Variants in SLIT3 observed in about 807,000 individuals in gnomAD.
The protein encoded by SLIT3 is slit homolog 3 protein.
Under a neutral mutation model 184.0 loss-of-function variants are expected in SLIT3, and 68 were observed. The observed-to-expected ratio is 0.37, with a 90% CI of 0.30 to 0.45. The LOEUF (loss-of-function observed/expected upper bound fraction) is 0.45. Among genes scored for constraint, SLIT3 ranks in the 20% least tolerant of loss-of-function variants. SLIT3 has a pLI of 1.00. For missense variants in SLIT3, 1,707 were observed against 2,026.0 expected (o/e 0.84, Z 3.02); for synonymous variants, 831 against 828.6 (o/e 1.00, Z -0.05).
At chr5:169,231,630 T>A (rs183953777) in intron 3 of SLIT3, among the ~76,000 whole-genome samples, 45 of 152,324 alleles carry the variant, frequency 3.0e-4, no homozygotes, top group African/African-American at 1.1e-3. Flanking sequence ...GTATTTGGCT[T>A]ATTTCCAGTC....
chr5:169,209,927 C>T (rs1764204384), intron 3 of SLIT3, among the ~76,000 whole-genome samples: 1 of 149,506 alleles, frequency 6.7e-6, no homozygotes, highest in Non-Finnish European at 1.5e-5. Flanking sequence ...CACATGTATA[C>T]CAGAACTTAA....
chr5:169,299,158 C>T (rs1467117866), intron 1 of SLIT3, among the ~76,000 whole-genome samples: 3 of 152,132 alleles, frequency 2.0e-5, no homozygotes, highest in Non-Finnish European at 2.9e-5. Context: ...AATAAAGATT[C>T]GGCTCTCACC....
At chr5:169,053,377 G>A (rs1007614378) in intron 4 of SLIT3, among the ~76,000 whole-genome samples, 5 of 152,302 alleles carry the variant, frequency 3.3e-5, no homozygotes, top group East Asian at 3.9e-4. Flanking sequence ...GGAAGCTAAC[G>A]TTCCCTCTTG....
At chr5:168,736,685 C>T (rs1763446506) in intron 20 of SLIT3, among the ~76,000 whole-genome samples, 1 of 151,816 alleles carries the variant, frequency 6.6e-6, no homozygotes, top group Non-Finnish European at 1.5e-5. Context: ...GGCTTGCCTC[C>T]TCCCTGCTGC....
chr5:169,247,916 A>G (rs1458923982), intron 2 of SLIT3, among the ~76,000 whole-genome samples: 2 of 152,242 alleles, frequency 1.3e-5, no homozygotes, highest in African/African-American at 4.8e-5. Context: ...GAGCCACCAC[A>G]TCTAGCCATC....
At chr5:169,124,819 T>C (rs573038787) in intron 4 of SLIT3, among the ~76,000 whole-genome samples, 2 of 152,014 alleles carry the variant, frequency 1.3e-5, no homozygotes, top group South Asian at 4.2e-4. Context: ...TATTGTGCTG[T>C]ACCTTCTACT....
chr5:168,869,740 G>A (rs1048086210), intron 5 of SLIT3, among the ~76,000 whole-genome samples: 1 of 152,176 alleles, frequency 6.6e-6, no homozygotes, highest in Non-Finnish European at 1.5e-5. Context: ...AACTGCTACT[G>A]GACCATGTGC....
intron 4 of SLIT3, among the ~76,000 whole-genome samples, chr5:168,993,300 G>A (rs1456285549): frequency 6.6e-6 from 1 of 152,214 alleles, no homozygotes; most frequent in Non-Finnish European, 1.5e-5. Context: ...CTCTCAGGGG[G>A]GCTCCGGGTC....
chr5:169,003,307 G>A (rs1755784753), intron 4 of SLIT3, among the ~76,000 whole-genome samples: 1 of 152,224 alleles, frequency 6.6e-6, no homozygotes, highest in South Asian at 2.1e-4. Flanking sequence ...CTTCTGGGCA[G>A]ACCAGGGCAC....
intron 4 of SLIT3, among the ~76,000 whole-genome samples, chr5:168,912,439 T>G (rs913534357): frequency 1.3e-5 from 2 of 152,052 alleles, no homozygotes; most frequent in Non-Finnish European, 2.9e-5. Flanking sequence ...CATGCACCAG[T>G]TTTTTCACCT....
chr5:169,004,535 G>T (rs754944693), intron 4 of SLIT3, among the ~76,000 whole-genome samples: 1 of 152,122 alleles, frequency 6.6e-6, no homozygotes, highest in Non-Finnish European at 1.5e-5. Flanking sequence ...AGGAGAGAAG[G>T]GGCTTTGGAC....
At chr5:168,790,834 T>G (rs1756337895) in intron 10 of SLIT3, 1 of 152,210 alleles carries the variant, frequency 6.6e-6, no homozygotes, top group African/African-American at 2.4e-5. Flanking sequence ...CTGAGCCTGT[T>G]TCCTTCCTTC....
intron 1 of SLIT3, among the ~76,000 whole-genome samples, chr5:169,286,407 A>G (rs1767151938): frequency 6.6e-6 from 1 of 152,122 alleles, no homozygotes; most frequent in African/African-American, 2.4e-5. Flanking sequence ...TTCCCGAAGC[A>G]GCTGTCCTGG....
At chr5:168,749,425 G>A (rs1047139878) in intron 19 of SLIT3, 47 bp downstream of exon 19, 3 of 1,606,454 alleles carry the variant, frequency 1.9e-6, no homozygotes, top group African/African-American at 1.3e-5. Flanking sequence ...CATCTTCCTT[G>A]CCTTCCCAGG....
intron 18 of SLIT3, among the ~76,000 whole-genome samples, chr5:168,752,104 A>G (rs927826598): frequency 6.6e-6 from 1 of 152,158 alleles, no homozygotes; most frequent in Non-Finnish European, 1.5e-5. Flanking sequence ...TAAAGGTCCC[A>G]GTCTTCCTAA....
chr5:168,773,399 T>A (rs1162900366), intron 13 of SLIT3, among the ~76,000 whole-genome samples: 1 of 152,174 alleles, frequency 6.6e-6, no homozygotes, highest in Non-Finnish European at 1.5e-5. Context: ...GTAATTATCC[T>A]TATCATCATA....
At chr5:168,842,413 C>T (rs1489624939) in intron 6 of SLIT3, among the ~76,000 whole-genome samples, 5 of 146,738 alleles carry the variant, frequency 3.4e-5, no homozygotes, top group Non-Finnish European at 7.4e-5. Context: ...CTTTCAGTCA[C>T]AGGTTTTTAA....
chr5:168,720,841 T>G lies in SLIT3; in HGVS notation c.2483+1415A>C, dbSNP rs574008471. The stretch of plus-strand genomic sequence containing the variant: ...GGAGTTGTCACTGACACCGGTGTTT[T>G]GTGGGCCTCAATAAATCACATCAGC... On this transcript the variant is annotated intron_variant, in intron 23 of 35. Transcript: ENST00000519560. 2.0e-5 allele frequency: 3 copies of G among 152,306 alleles called. No individual in the cohort carries two copies. The East Asian group carries it at 5.8e-4, about 29-fold the overall frequency. The allele number at this position is 152,306 out of a possible 1,614,324, so 9.4% of individuals were successfully genotyped here. A position where few individuals can be genotyped will look rare whatever the true frequency, so the allele number is the denominator to read the frequency against.
intron 2 of SLIT3, among the ~76,000 whole-genome samples, chr5:169,250,801 A>G (rs1765749809): frequency 6.6e-6 from 1 of 152,160 alleles, no homozygotes; most frequent in Non-Finnish European, 1.5e-5. Flanking sequence ...ACAGACAAGC[A>G]CTTGGGAAGT....
Sources: allele counts gnomAD v4.1 joint callset (sites outside exome capture counted in the v4.1 genomes callset), GRCh38; gene constraint gnomAD v4.1.1; transcripts MANE v1.5; gene names NCBI Gene and HGNC (gene_info 2026-07-23, HGNC 2026-07-21).